PLEKHG4B: variants seen among roughly 807,000 people sequenced by gnomAD.
The protein encoded by PLEKHG4B is pleckstrin homology domain-containing family G member 4B.
PLEKHG4B carries 111 observed loss-of-function variants against 121.3 expected under a neutral mutation model. That is an observed-to-expected ratio of 0.92 (90% CI 0.78 to 1.07). PLEKHG4B has a LOEUF of 1.07. Ranked by LOEUF, PLEKHG4B falls within the 50% of genes least tolerant of loss-of-function variation. PLEKHG4B has a pLI of 0.00. For missense variants in PLEKHG4B, 1,831 were observed against 1,757.8 expected (o/e 1.04, Z -0.74); for synonymous variants, 738 against 725.0 (o/e 1.02, Z -0.29).
At position 154,621 on chromosome 5, in the gene PLEKHG4B, CTTTTT is replaced by C. The variant is rs35893349; in HGVS notation, c.1993-238_1993-234del. Among the ~76,000 whole-genome samples the C allele has an allele frequency of 3.4e-3, 448 of 131,858 alleles. 1 individual carries two copies. Among genetic ancestry groups the C allele is most frequent in the African/African-American group, 0.011 (367 of 34,482 alleles). The allele number at this position is 131,858 out of a possible 152,430, so 86.5% of individuals were successfully genotyped here. On this transcript the variant is annotated intron_variant, in intron 7 of 19. Transcript: ENST00000637938. ...TCATTCTTTCCCTTTTCCTTCCTCC[CTTTTT>C]TTTTTTTTTTTTTTTGGTTTTTCTT...
At chr5:102,775 C>G (rs1219620581) in intron 1 of PLEKHG4B, among the ~76,000 whole-genome samples, 1 of 152,218 alleles carries the variant, frequency 6.6e-6, no homozygotes, top group African/African-American at 2.4e-5. Context: ...AGCACCAACA[C>G]TAACACTAGC....
At position 139,296 on chromosome 5, in the gene PLEKHG4B, A is replaced by G. The variant is rs1735076752; in HGVS notation, c.244-187A>G. Among the ~76,000 whole-genome samples the G allele has an allele frequency of 6.6e-6, 1 of 152,234 alleles. No individual in the cohort carries two copies. Among genetic ancestry groups the G allele is most frequent in the Admixed American group, 6.5e-5 (1 of 15,284 alleles). On this transcript the variant is annotated intron_variant, in intron 2 of 19. Coordinates refer to ENST00000637938, the MANE Select transcript of PLEKHG4B (RefSeq NM_052909.5). The surrounding 1 kb of genome is among the most constrained non-coding windows in gnomAD (Gnocchi z 5.0). ...TTAACTGACCCCTGAACCAAAGAGCAGCCCGTGTTTTCTAGTCCTAATGAC... is the reference window on the plus strand; with the variant it reads ...TTAACTGACCCCTGAACCAAAGAGCGGCCCGTGTTTTCTAGTCCTAATGAC...
At position 162,772 on chromosome 5, in the gene PLEKHG4B, C is replaced by A; in HGVS notation, c.2700C>A (p.Pro900=). The change falls in exon 13 of 20, where the codon CCC becomes CCA. Residue 900 remains proline, a synonymous_variant. Transcript: ENST00000637938. ...PLDPEACPSS[P]VAECLRSCHQ... ...ACCCGGAGGCTTGTCCCTCCTCACC[C>A]GTGGCTGAGTGTTTGAGGAGCTGTC... is the stretch of plus-strand genomic sequence containing the variant. 6.8e-7 allele frequency: 1 copy of A among 1,480,640 alleles called. No individual in the cohort carries two copies. The highest frequency in any genetic ancestry group is 2.4e-5 in the East Asian group (1 of 41,348). The allele number at this position is 1,480,640 out of a possible 1,614,324, so 91.7% of individuals were successfully genotyped here. A position where few individuals can be genotyped will look rare whatever the true frequency, so the allele number is the denominator to read the frequency against.
intron 1 of PLEKHG4B, among the ~76,000 whole-genome samples, chr5:107,681 G>A (rs1443610753): frequency 6.6e-6 from 1 of 152,228 alleles, no homozygotes; most frequent in East Asian, 1.9e-4. Flanking sequence ...TGGAGGACGG[G>A]GGTTGCCCTG....
rs140117966 is a variant in PLEKHG4B at position 166,946 on chromosome 5, G to T, written c.3477-2394G>T. Among the ~76,000 whole-genome samples, 323 of 152,330 alleles carry T rather than the reference G, an allele frequency of 2.1e-3. 2 individuals carry two copies. The highest frequency in any genetic ancestry group is 7.2e-3 in the African/African-American group (301 of 41,572). On this transcript the variant is annotated intron_variant, in intron 13 of 19. Transcript: ENST00000637938. ...GCCCTTCCGAATCCGTAAGAGGAACGCCAAGCGCTGTCCCTGAGTCTCAGC... is the reference window on the plus strand; with the variant it reads ...GCCCTTCCGAATCCGTAAGAGGAACTCCAAGCGCTGTCCCTGAGTCTCAGC...
intron 5 of PLEKHG4B, 146 bp downstream of exon 5, chr5:143,649 A>G (rs905397825): frequency 1.2e-5 from 12 of 981,620 alleles, no homozygotes; most frequent in African/African-American, 4.9e-5. Context: ...GTCAGCACCC[A>G]TGTGCTTCCA....
intron 1 of PLEKHG4B, among the ~76,000 whole-genome samples, chr5:93,388 G>A (rs919536636): frequency 6.6e-6 from 1 of 152,132 alleles, no homozygotes; most frequent in Non-Finnish European, 1.5e-5. Context: ...CGGAGATCTT[G>A]AGGAGGCCGC....
intron 2 of PLEKHG4B, among the ~76,000 whole-genome samples, chr5:134,142 C>A (rs1734875666): frequency 1.1e-5 from 1 of 89,778 alleles, no homozygotes. Context: ...TACTACTCAG[C>A]CATAAAAAAG....
intron 2 of PLEKHG4B, among the ~76,000 whole-genome samples, chr5:124,024 T>C (rs1734540725): frequency 6.6e-6 from 1 of 152,212 alleles, no homozygotes; most frequent in South Asian, 2.1e-4. Context: ...CTGCTTTTGC[T>C]GCCTCCCGTA....
chr5:131,094 A>G (rs1308834929), intron 2 of PLEKHG4B, among the ~76,000 whole-genome samples: 1 of 151,118 alleles, frequency 6.6e-6, no homozygotes, highest in African/African-American at 2.4e-5. Context: ...CGCCTCTGCA[A>G]GTTCCCCTTG....
At chr5:120,243 C>A (rs1734428660) in intron 2 of PLEKHG4B, among the ~76,000 whole-genome samples, 1 of 152,146 alleles carries the variant, frequency 6.6e-6, no homozygotes, top group Non-Finnish European at 1.5e-5. Context: ...CACAGCAAGA[C>A]CCTGCTTCAA....
At chr5:172,766 C>G (rs1415174830) in intron 16 of PLEKHG4B, 131 bp from the exon 17 acceptor site, 1 of 1,014,030 alleles carries the variant, frequency 9.9e-7, no homozygotes, top group Non-Finnish European at 1.5e-6. Context: ...GCGGATTTGC[C>G]AGATTTTATG....
At chr5:150,426 ATGG>A (rs1263006127) in intron 6 of PLEKHG4B, among the ~76,000 whole-genome samples, 1 of 152,168 alleles carries the variant, frequency 6.6e-6, no homozygotes, top group Non-Finnish European at 1.5e-5. Context: ...ATGGAGACGA[ATGG>A]TGGTGGTGGT....
intron 12 of PLEKHG4B, 27 bp downstream of exon 12, chr5:161,971 C>G (rs1434737581): frequency 2.5e-6 from 4 of 1,585,528 alleles, no homozygotes; most frequent in East Asian, 2.2e-5. Flanking sequence ...GCGTGCGTCC[C>G]AGGGATCCCG....
At position 188,365 on chromosome 5, in the gene PLEKHG4B, C is replaced by T. The variant is rs1259187125; in HGVS notation, c.*6042C>T. 6.6e-6 allele frequency: 1 copy of T among 152,254 alleles called. No individual in the cohort carries two copies. Among genetic ancestry groups the T allele is most frequent in the Admixed American group, 6.5e-5 (1 of 15,282 alleles). The allele number at this position is 152,254 out of a possible 1,614,324, so 9.4% of individuals were successfully genotyped here. A position where few individuals can be genotyped will look rare whatever the true frequency, so the allele number is the denominator to read the frequency against. On this transcript the variant is annotated 3_prime_UTR_variant, in exon 20 of 20. Coordinates refer to ENST00000637938, the MANE Select transcript of PLEKHG4B (RefSeq NM_052909.5). ...GACCCTGCAGGGAGATGCTGACCCA[C>T]CCTGAGACCCAGGAGAAGAAAACGG...
chr5:178,400 T>C (rs1736829018), intron 18 of PLEKHG4B, among the ~76,000 whole-genome samples: 1 of 152,254 alleles, frequency 6.6e-6, no homozygotes. Flanking sequence ...TTGTATATCC[T>C]AGCATTTTGG....
intron 6 of PLEKHG4B, among the ~76,000 whole-genome samples, chr5:147,738 A>G (rs1416901678): frequency 3.3e-5 from 5 of 152,226 alleles, no homozygotes; most frequent in Non-Finnish European, 5.9e-5. Context: ...AACTCATTCT[A>G]TGATGCCAGC....
At chr5:151,122 AGAC>A (rs1735590563) in intron 6 of PLEKHG4B, among the ~76,000 whole-genome samples, 1 of 152,166 alleles carries the variant, frequency 6.6e-6, no homozygotes, top group Non-Finnish European at 1.5e-5. Flanking sequence ...AAGTCGGTGG[AGAC>A]GAAAGCAGGT....
intron 1 of PLEKHG4B, among the ~76,000 whole-genome samples, chr5:96,869 A>C (rs552152925): frequency 3.9e-5 from 6 of 152,252 alleles, no homozygotes; most frequent in African/African-American, 1.4e-4. Flanking sequence ...ATGAGAAAAA[A>C]AAATTAGCAC....
Sources: allele counts gnomAD v4.1 joint callset (sites outside exome capture counted in the v4.1 genomes callset), GRCh38; gene constraint gnomAD v4.1.1; non-coding constraint Gnocchi (gnomAD v3.1); transcripts MANE v1.5; gene names NCBI Gene and HGNC (gene_info 2026-07-23, HGNC 2026-07-21).